The following COL22A1 variants were observed in gnomAD, a reference collection of about 807,000 sequenced individuals.
COL22A1 encodes the protein collagen type XXII alpha 1 chain.
COL22A1 carries 221 observed loss-of-function variants against 248.9 expected under a neutral mutation model. The observed-to-expected ratio is 0.89, with a 90% confidence interval of 0.80 to 0.99. COL22A1 has a LOEUF of 0.99. COL22A1 is among the 50% of genes least tolerant of loss of function. The pLI is 0.00. For missense variants in COL22A1, 2,240 were observed against 2,179.0 expected (o/e 1.03, Z -0.56); for synonymous variants, 891 against 793.4 (o/e 1.12, Z -2.07).
At chr8:138,862,497 G>A (rs546588287) in intron 3 of COL22A1, among the ~76,000 whole-genome samples, 8 of 151,850 alleles carry the variant, frequency 5.3e-5, no homozygotes, top group African/African-American at 1.7e-4. Context: ...CCTCAGAAGG[G>A]TCCCTTAATT....
intron 48 of COL22A1, among the ~76,000 whole-genome samples, chr8:138,635,452 T>TA (rs1821074183): frequency 6.6e-6 from 1 of 152,072 alleles, no homozygotes; most frequent in Admixed American, 6.6e-5. Context: ...AATAAAAACA[T>TA]AAAAAACAAA....
chr8:138,600,261 T>C (rs547395214), intron 60 of COL22A1, among the ~76,000 whole-genome samples: 18 of 152,170 alleles, frequency 1.2e-4, no homozygotes, highest in African/African-American at 3.4e-4. Context: ...TCAGAGATAA[T>C]GGAACTCCAT....
At chr8:138,854,029 A>G (rs1273274160) in intron 3 of COL22A1, among the ~76,000 whole-genome samples, 1 of 152,176 alleles carries the variant, frequency 6.6e-6, no homozygotes, top group Non-Finnish European at 1.5e-5. Context: ...CCCTTAAATG[A>G]GCAGGATGTG....
intron 3 of COL22A1, among the ~76,000 whole-genome samples, chr8:138,857,922 A>G (rs78028390): frequency 0.028 from 4,334 of 152,260 alleles, 82 homozygotes; most frequent in Non-Finnish European, 0.039. Context: ...CGCCTGCTGA[A>G]GGGTATAGCT....
rs1459053158 is a variant in COL22A1 at position 138,623,783 on chromosome 8, T to C, written c.3720A>G (p.Gly1240=). ...CATCTCTGCCCTCTTTGCCTTCTTC[T>C]CCCTGCAAGAGAAACTCAAATTGGT... ...QGPSGLPGIP[G]EEGKEGRDGK... The change falls in exon 52 of 65, where the codon GGA becomes GGG. Residue 1240 remains glycine, a splice_region_variant and synonymous_variant. Coordinates refer to ENST00000303045, the MANE Select transcript of COL22A1 (RefSeq NM_152888.3). 6.2e-7 allele frequency: 1 copy of C among 1,612,642 alleles called. No homozygotes were observed. Among genetic ancestry groups the C allele is most frequent in the Admixed American group, 1.7e-5 (1 of 59,750 alleles).
intron 30 of COL22A1, among the ~76,000 whole-genome samples, chr8:138,710,219 G>A (rs767982701): frequency 2.2e-4 from 33 of 152,174 alleles, no homozygotes; most frequent in South Asian, 4.1e-4. Context: ...TTGGCCTGAG[G>A]AAAGGACGTC....
intron 22 of COL22A1, among the ~76,000 whole-genome samples, chr8:138,749,573 A>G (rs1365173807): frequency 6.6e-6 from 1 of 152,236 alleles, no homozygotes; most frequent in Non-Finnish European, 1.5e-5. Context: ...CAGCTGTCAC[A>G]TCATGCCGCC....
intron 7 of COL22A1, among the ~76,000 whole-genome samples, chr8:138,820,825 T>C (rs1819052177): frequency 6.6e-6 from 1 of 152,200 alleles, no homozygotes; most frequent in Non-Finnish European, 1.5e-5. Flanking sequence ...ATGTCAGTCT[T>C]GCTCTCTTTT....
chr8:138,780,659 A>G (rs1055904644), intron 13 of COL22A1, among the ~76,000 whole-genome samples: 2 of 152,216 alleles, frequency 1.3e-5, no homozygotes, highest in African/African-American at 2.4e-5. Context: ...CACGGGGGAT[A>G]ACAAGGTTGC....
At chr8:138,768,939 GA>G (rs1298180447) in intron 16 of COL22A1, among the ~76,000 whole-genome samples, 3 of 147,224 alleles carry the variant, frequency 2.0e-5, no homozygotes, top group South Asian at 2.2e-4. Flanking sequence ...TCCATCTCAA[GA>G]AAAAAAAAAG....
chr8:138,788,693 G>A (rs2131572123), intron 12 of COL22A1, among the ~76,000 whole-genome samples: 1 of 152,240 alleles, frequency 6.6e-6, no homozygotes, highest in Non-Finnish European at 1.5e-5. Context: ...TCGCCTCTGG[G>A]AATAAGACCT....
intron 37 of COL22A1, among the ~76,000 whole-genome samples, chr8:138,688,510 G>C (rs1826547674): frequency 6.6e-6 from 1 of 151,588 alleles, no homozygotes; most frequent in Non-Finnish European, 1.5e-5. Flanking sequence ...GGCAGAGTGA[G>C]ACCCTGTCTC....
intron 11 of COL22A1, among the ~76,000 whole-genome samples, chr8:138,800,557 G>GTA (rs1209383626): frequency 1.3e-5 from 2 of 152,178 alleles, no homozygotes; most frequent in Non-Finnish European, 2.9e-5. Context: ...CATGAAGCTA[G>GTA]TAGGTTGTGG....
At chr8:138,714,395 G>A (rs951886461) in intron 30 of COL22A1, among the ~76,000 whole-genome samples, 2 of 152,178 alleles carry the variant, frequency 1.3e-5, no homozygotes, top group Non-Finnish European at 2.9e-5. Flanking sequence ...GGATCCCAGT[G>A]GTCTAGTAGG....
At chr8:138,691,302 C>T (rs757998428) in intron 35 of COL22A1, among the ~76,000 whole-genome samples, 2 of 152,036 alleles carry the variant, frequency 1.3e-5, no homozygotes, top group Admixed American at 6.6e-5. Context: ...TGTGCACGTG[C>T]GTGTGTGCAG....
At chr8:138,830,517 G>A (rs942675774) in intron 5 of COL22A1, among the ~76,000 whole-genome samples, 1 of 152,040 alleles carries the variant, frequency 6.6e-6, no homozygotes, top group African/African-American at 2.4e-5. Flanking sequence ...TTTGTTTTGG[G>A]TGCTTTGCCA....
intron 12 of COL22A1, among the ~76,000 whole-genome samples, chr8:138,781,939 T>G (rs1815049926): frequency 6.6e-6 from 1 of 152,260 alleles, no homozygotes; most frequent in Non-Finnish European, 1.5e-5. Flanking sequence ...TAAAACACTA[T>G]GTGCCAAAGT....
intron 9 of COL22A1, among the ~76,000 whole-genome samples, 197 bp from the exon 10 acceptor site, chr8:138,808,009 C>G (rs546588868): frequency 5.1e-4 from 78 of 152,282 alleles, no homozygotes; most frequent in Non-Finnish European, 8.5e-4. Flanking sequence ...ATACGGGAAG[C>G]TTTGGCACAG....
intron 7 of COL22A1, 116 bp downstream of exon 7, chr8:138,821,020 G>A (rs1819070721): frequency 8.6e-7 from 1 of 1,161,274 alleles, no homozygotes; most frequent in South Asian, 1.5e-5. Context: ...GACGGTCCAA[G>A]GTGATGATTT....
Sources: allele counts gnomAD v4.1 joint callset (sites outside exome capture counted in the v4.1 genomes callset), GRCh38; gene constraint gnomAD v4.1.1; transcripts MANE v1.5; gene names NCBI Gene and HGNC (gene_info 2026-07-23, HGNC 2026-07-21).